The following PDE4D variants were observed in gnomAD, a reference collection of about 807,000 sequenced individuals.
PDE4D encodes the protein 3',5'-cyclic-AMP phosphodiesterase 4D.
Under a neutral mutation model 87.4 loss-of-function variants are expected in PDE4D, and 24 were observed. That is an observed-to-expected ratio of 0.27 (90% confidence interval 0.20 to 0.39). The LOEUF (loss-of-function observed/expected upper bound fraction) is 0.39, where lower values mean the gene tolerates loss of function less well. PDE4D is among the 10% of genes least tolerant of loss of function. The pLI is 1.00. For synonymous variants in PDE4D, 384 were observed against 383.2 expected, an observed-to-expected ratio of 1.00 and a Z score of -0.02; for missense variants, 714 against 1,041.0, an observed-to-expected ratio of 0.69 and a Z score of 4.32.
intron 2 of PDE4D, among the ~76,000 whole-genome samples, chr5:59,197,019 T>A (rs946825923): frequency 2.0e-5 from 3 of 152,160 alleles, no homozygotes; most frequent in Non-Finnish European, 4.4e-5. Context: ...TGTCCCAAGC[T>A]ATAGTCTCTT....
intron 1 of PDE4D, among the ~76,000 whole-genome samples, chr5:59,320,572 C>G (rs894636592): frequency 2.0e-5 from 3 of 152,072 alleles, no homozygotes; most frequent in Admixed American, 6.6e-5. Flanking sequence ...CATATTTTGT[C>G]AGCAGCAACT....
At chr5:59,941,524 G>A (rs139159300) in intron 3 of PDE4D, among the ~76,000 whole-genome samples, 9 of 152,244 alleles carry the variant, frequency 5.9e-5, no homozygotes, top group South Asian at 4.1e-4. Context: ...GTTCTTGAGC[G>A]CACTCTAAGG....
At chr5:59,147,995 C>G (rs535287300) in intron 5 of PDE4D, among the ~76,000 whole-genome samples, 1 of 152,190 alleles carries the variant, frequency 6.6e-6, no homozygotes, top group East Asian at 1.9e-4. Context: ...AAGTGATTTT[C>G]AAATGTTTTC....
chr5:59,034,319 ATTT>A (rs1758120284), intron 6 of PDE4D, among the ~76,000 whole-genome samples: 2 of 152,154 alleles, frequency 1.3e-5, no homozygotes, highest in Admixed American at 6.5e-5. Flanking sequence ...TTAATCTAAG[ATTT>A]AATATGTTAA....
At chr5:60,302,065 T>A (rs558573204) in intron 1 of PDE4D, among the ~76,000 whole-genome samples, 2 of 152,250 alleles carry the variant, frequency 1.3e-5, no homozygotes, top group East Asian at 3.9e-4. Context: ...TGCTGCTGGA[T>A]TTGTTTTGTC....
rs866652126 is a variant in PDE4D, at chr5:59,750,589, T to C, written c.455+142579A>G. ...TTATTCTTCTATACTGTACTTGTCT[T>C]TCTCTGACCCACTGGAATATTTATT... On this transcript the variant is annotated intron_variant, in intron 1 of 14. Transcript: ENST00000340635. Among the ~76,000 whole-genome samples the C allele has an allele frequency of 2.6e-5, 4 of 152,304 alleles. No homozygotes were observed. The South Asian group carries it at 8.3e-4, about 32-fold the overall frequency.
intron 3 of PDE4D, among the ~76,000 whole-genome samples, chr5:59,977,739 A>G (rs1176968484): frequency 6.6e-6 from 1 of 152,220 alleles, no homozygotes; most frequent in Non-Finnish European, 1.5e-5. Flanking sequence ...ACCATCTACA[A>G]CTTTCATAGC....
At chr5:59,161,515 T>G (rs1781092619) in intron 5 of PDE4D, among the ~76,000 whole-genome samples, 1 of 152,194 alleles carries the variant, frequency 6.6e-6, no homozygotes, top group Admixed American at 6.5e-5. Context: ...AGCCTCCAGG[T>G]AGCAGGCTTC....
intron 1 of PDE4D, among the ~76,000 whole-genome samples, chr5:59,583,489 C>T (rs900172521): frequency 9.9e-5 from 15 of 152,136 alleles, no homozygotes; most frequent in African/African-American, 3.6e-4. Context: ...TTTGGCTTGG[C>T]AGTAAAAAGA....
At chr5:60,302,599 T>C (rs1754002643) in intron 1 of PDE4D, among the ~76,000 whole-genome samples, 2 of 152,154 alleles carry the variant, frequency 1.3e-5, no homozygotes, top group African/African-American at 2.4e-5. Flanking sequence ...CTTTTATTAA[T>C]TATTTTCAAA....
chr5:59,463,434 C>T (rs1801076390), intron 1 of PDE4D, among the ~76,000 whole-genome samples: 1 of 152,140 alleles, frequency 6.6e-6, no homozygotes, highest in Non-Finnish European at 1.5e-5. Context: ...CAAAGATTCA[C>T]ATTATAAAAA....
At chr5:60,336,544 T>A (rs923011530) in intron 1 of PDE4D, among the ~76,000 whole-genome samples, 2 of 152,248 alleles carry the variant, frequency 1.3e-5, no homozygotes, top group Non-Finnish European at 2.9e-5. Flanking sequence ...GCTGCCCAGA[T>A]AGAACTGGTT....
intron 1 of PDE4D, among the ~76,000 whole-genome samples, chr5:60,480,322 C>T (rs888223131): frequency 1.3e-5 from 2 of 151,976 alleles, no homozygotes; most frequent in African/African-American, 2.4e-5. Flanking sequence ...AGATGACAAA[C>T]ATTTATAAAG....
chr5:59,036,671 C>T (rs1758568498), intron 6 of PDE4D, among the ~76,000 whole-genome samples: 1 of 152,070 alleles, frequency 6.6e-6, no homozygotes, highest in South Asian at 2.1e-4. Flanking sequence ...TTGTCTATAA[C>T]AGTCATGTAA....
intron 2 of PDE4D, 103 bp from the exon 3 acceptor site, chr5:59,193,639 G>A: frequency 1.3e-6 from 2 of 1,535,882 alleles, no homozygotes; most frequent in South Asian, 1.3e-5. Context: ...TTCCCATAGA[G>A]AATTACAGTG....
intron 1 of PDE4D, among the ~76,000 whole-genome samples, chr5:59,511,239 C>A (rs1810235855): frequency 6.6e-6 from 1 of 151,636 alleles, no homozygotes; most frequent in East Asian, 1.9e-4. Context: ...TCAAAAAATA[C>A]AAAAAGTTTC....
Position 59,357,105 on chromosome 5 carries a change from C to T in PDE4D, c.456-141137G>A, listed in dbSNP as rs556899519. 1.6e-5 allele frequency: 6 copies of T among 366,738 alleles called. No individual in the cohort carries two copies. In the East Asian group the frequency reaches 1.8e-4, roughly 11 times the overall value. 22.7% of individuals were successfully genotyped at this position (366,738 alleles called of 1,614,324 possible). On this transcript the variant is annotated intron_variant, in intron 1 of 14. Transcript: ENST00000340635. ...CACTCAGGCCTTATCTCATAATTAACGTGAGAAACACTCCCTCGAAAATTT... is the reference window on the plus strand; with the variant it reads ...CACTCAGGCCTTATCTCATAATTAATGTGAGAAACACTCCCTCGAAAATTT...
chr5:59,620,588 G>T (rs1165070558), intron 1 of PDE4D, among the ~76,000 whole-genome samples: 1 of 152,056 alleles, frequency 6.6e-6, no homozygotes, highest in African/African-American at 2.4e-5. Context: ...TAAGGAAGGG[G>T]GATATGAGAA....
chr5:59,201,126 T>C (rs147335703), intron 2 of PDE4D, among the ~76,000 whole-genome samples: 542 of 152,238 alleles, frequency 3.6e-3, no homozygotes, highest in African/African-American at 0.013. Context: ...AATAATCATA[T>C]GGGTTTTTCA....
Sources: gnomAD v4.1 joint callset for allele counts (sites outside exome capture counted in the v4.1 genomes callset) on GRCh38, gnomAD v4.1.1 for gene constraint, MANE v1.5 for transcripts, NCBI Gene and HGNC (gene_info 2026-07-23, HGNC 2026-07-21) for gene names.